The following BCR variants were observed in gnomAD, a reference collection of about 807,000 sequenced individuals.
The protein encoded by BCR is BCR activator of RhoGEF and GTPase.
Under a neutral mutation model 138.6 loss-of-function variants are expected in BCR, and 58 were observed. That is an observed-to-expected ratio of 0.42 (90% CI 0.34 to 0.52). The LOEUF (loss-of-function observed/expected upper bound fraction) is 0.52. Among genes scored for constraint, BCR ranks in the 20% least tolerant of loss-of-function variants. The pLI is 0.06. For missense variants in BCR, 1,599 were observed against 1,727.2 expected (o/e 0.93, Z 1.32); for synonymous variants, 786 against 730.1 (o/e 1.08, Z -1.23).
intron 1 of BCR, chr22:23,217,198 G>C: frequency 3.6e-6 from 1 of 276,110 alleles, no homozygotes; most frequent in Non-Finnish European, 7.5e-6. Flanking sequence ...GACTTTTTTA[G>C]ATTTTTGCTG....
chr22:23,205,585 G>A (rs1933810238), intron 1 of BCR, among the ~76,000 whole-genome samples: 1 of 151,942 alleles, frequency 6.6e-6, no homozygotes, highest in Admixed American at 6.6e-5. Flanking sequence ...TACTCAGACA[G>A]CCAAAGCCTA....
Position 23,273,128 on chromosome 22 carries a change from C to A in BCR, c.1969C>A (p.Leu657Ile). 1 of 1,613,436 alleles carries A rather than the reference C, an allele frequency of 6.2e-7. No homozygotes were observed. Among genetic ancestry groups the A allele is most frequent in the South Asian group, 1.1e-5 (1 of 91,068 alleles). The change falls in exon 7 of 23, where the codon CTC becomes ATC. Residue 657 changes from leucine (L) to isoleucine (I), a missense_variant. By Grantham distance (5) the Leu-to-Ile change is conservative. Transcript: ENST00000305877. ...CCGTGTGACGAGGAGCACGCTGGTCCTCCATGTAAGTCACAGCGCCCCTCT... is the reference window on the plus strand; with the variant it reads ...CCGTGTGACGAGGAGCACGCTGGTCATCCATGTAAGTCACAGCGCCCCTCT... ...VDRVTRSTLV[L>I]HDLLKHTPAS...
chr22:23,186,618 C>T (rs979439951), intron 1 of BCR, among the ~76,000 whole-genome samples: 2 of 152,190 alleles, frequency 1.3e-5, no homozygotes, highest in Non-Finnish European at 2.9e-5. Context: ...ATTATAGATA[C>T]CTCATGTAAG....
chr22:23,186,744 C>A (rs1293629750), intron 1 of BCR, among the ~76,000 whole-genome samples: 1 of 152,012 alleles, frequency 6.6e-6, no homozygotes, highest in Non-Finnish European at 1.5e-5. Flanking sequence ...AATGGAGTTT[C>A]ACTCTAGGCT....
intron 1 of BCR, among the ~76,000 whole-genome samples, chr22:23,209,098 G>A (rs890152421): frequency 6.6e-5 from 10 of 152,200 alleles, no homozygotes; most frequent in African/African-American, 2.2e-4. Flanking sequence ...GGTGGCTCAC[G>A]CCTGTAATCC....
At chr22:23,270,317 C>T (rs2073495238) in intron 5 of BCR, among the ~76,000 whole-genome samples, 1 of 152,120 alleles carries the variant, frequency 6.6e-6, no homozygotes. Flanking sequence ...ATAGGAATTA[C>T]ATGAAAAGGG....
rs367791049 is a variant in BCR at position 23,314,589 on chromosome 22, C to T, written c.3601C>T (p.His1201Tyr). 1.3e-4 allele frequency: 208 copies of T among 1,611,922 alleles called. No individual in the cohort carries two copies. Among genetic ancestry groups the T allele is most frequent in the Non-Finnish European group, 1.7e-4 (203 of 1,179,874 alleles). The change falls in exon 22 of 23, where the codon CAC becomes TAC. Residue 1201 changes from histidine to tyrosine, a missense_variant. His to Tyr is a moderately conservative substitution (Grantham distance 83, BLOSUM62 2). Coordinates refer to ENST00000305877, the MANE Select transcript of BCR (RefSeq NM_004327.4). ...EKEAVNKMSL[H>Y]NLATVFGPTL... is the part of the protein sequence containing the mutation. ...GGAGGCAGTCAATAAGATGTCCCTG[C>T]ACAACCTCGCCACGGTCTTTGGCCC...
chr22:23,226,305 T>TGA (rs67417858), intron 1 of BCR, among the ~76,000 whole-genome samples: 254 of 149,020 alleles, frequency 1.7e-3, no homozygotes, highest in East Asian at 4.0e-3. Context: ...ATTAAGTGTA[T>TGA]GAGAGAGAGA....
chr22:23,311,812 G>T lies in BCR; in HGVS notation c.3298G>T (p.Ala1100Ser). 2 of 1,611,780 alleles carry T rather than the reference G, an allele frequency of 1.2e-6. No homozygotes were observed. The highest frequency in any genetic ancestry group is 1.7e-6 in the Non-Finnish European group (2 of 1,179,858). The change falls in exon 19 of 23, where the codon GCA becomes TCA. Residue 1100 changes from alanine (A) to serine (S), a missense_variant. Ala to Ser is a moderately conservative substitution (Grantham distance 99). Coordinates refer to ENST00000305877, the MANE Select transcript of BCR (RefSeq NM_004327.4). Reference sequence around the variant, plus strand: ...GTCCGGTGTGGCCACGGACATCCAGGCACTGAAGGCAGCCTTCGACGTCAG... The same window carrying T: ...GTCCGGTGTGGCCACGGACATCCAGTCACTGAAGGCAGCCTTCGACGTCAG... ...RVSGVATDIQ[A>S]LKAAFDVNNK...
At chr22:23,313,942 A>G (rs1264073856) in intron 20 of BCR, 26 bp from the exon 21 acceptor site, 4 of 1,600,342 alleles carry the variant, frequency 2.5e-6, no homozygotes, top group Non-Finnish European at 3.4e-6. Context: ...TTGTGACCCC[A>G]AGGAGTAACC....
intron 1 of BCR, among the ~76,000 whole-genome samples, chr22:23,236,059 A>G (rs976602802): frequency 2.6e-5 from 4 of 152,152 alleles, no homozygotes; most frequent in African/African-American, 9.7e-5. Flanking sequence ...TGGACCTTGC[A>G]TATGGGAGCT....
At chr22:23,187,123 G>A (rs897276298) in intron 1 of BCR, among the ~76,000 whole-genome samples, 3 of 152,190 alleles carry the variant, frequency 2.0e-5, no homozygotes, top group Non-Finnish European at 4.4e-5. Flanking sequence ...AGCACATACT[G>A]GAAGAGCCCT....
At chr22:23,229,758 C>T (rs921047446) in intron 1 of BCR, among the ~76,000 whole-genome samples, 7 of 152,224 alleles carry the variant, frequency 4.6e-5, no homozygotes, top group African/African-American at 7.2e-5. Flanking sequence ...CTCTACTTCC[C>T]CATGTCCCCC....
chr22:23,246,887 G>A (rs1165389979), intron 1 of BCR, among the ~76,000 whole-genome samples: 1 of 151,868 alleles, frequency 6.6e-6, no homozygotes, highest in Non-Finnish European at 1.5e-5. Context: ...AGCCAGCTTC[G>A]GAGCCCCCAA....
chr22:23,284,015 G>A lies in BCR; in HGVS notation c.2154G>A (p.Leu718=), dbSNP rs149366459. ...QLLKDSFMVE[L]VEGARKLRHV... is the part of the protein sequence containing the mutation. ...TGAAGGACAGCTTCATGGTGGAGCTGGTGGAGGGGGCCCGCAAGCTGCGCC... is the reference window on the plus strand; with the variant it reads ...TGAAGGACAGCTTCATGGTGGAGCTAGTGGAGGGGGCCCGCAAGCTGCGCC... Residue 718 remains leucine, a synonymous_variant, in exon 9 of 23, where the codon CTG becomes CTA. Coordinates refer to ENST00000305877, the MANE Select transcript of BCR (RefSeq NM_004327.4). 8 of 1,603,326 alleles carry A rather than the reference G, an allele frequency of 5.0e-6. No homozygotes were observed. In the African/African-American group the frequency reaches 1.1e-4, roughly 21 times the overall value.
At position 23,315,786 on chromosome 22, in the gene BCR, A is replaced by G; in HGVS notation, c.*264A>G. On this transcript the variant is annotated 3_prime_UTR_variant, in exon 23 of 23. Coordinates refer to ENST00000305877, the MANE Select transcript of BCR (RefSeq NM_004327.4). ...CCCAAGCCAGTTCATCTCGGAGTCC[A>G]GGCCTGGCCCTGGGAGACAGGGTGA... 5.4e-6 allele frequency: 3 copies of G among 558,358 alleles called. No individual in the cohort carries two copies. Among genetic ancestry groups the G allele is most frequent in the South Asian group, 3.4e-5 (2 of 58,392 alleles). 34.6% of individuals were successfully genotyped at this position (558,358 alleles called of 1,614,324 possible). A position where few individuals can be genotyped will look rare whatever the true frequency, so the allele number is the denominator to read the frequency against.
chr22:23,180,546 G>C lies in BCR; in HGVS notation c.-415G>C, dbSNP rs2072223621. ...CCGGGCGGGAGTGCGGCGAGAGCCG[G>C]CTGGCTGAGCTTAGCGTCCGAGGAG... On this transcript the variant is annotated 5_prime_UTR_variant, in exon 1 of 23. Transcript: ENST00000305877. 5.4e-6 allele frequency: 1 copy of C among 186,278 alleles called. No individual in the cohort carries two copies. The highest frequency in any genetic ancestry group is 1.3e-4 in the East Asian group (1 of 7,544). The allele number at this position is 186,278 out of a possible 1,614,324, so 11.5% of individuals were successfully genotyped here.
chr22:23,224,481 A>G lies in BCR; in HGVS notation c.1280-29318A>G, dbSNP rs546011922. Among the ~76,000 whole-genome samples the G allele has an allele frequency of 2.0e-5, 3 of 152,328 alleles. No individual in the cohort carries two copies. The East Asian group carries it at 5.8e-4, about 29-fold the overall frequency. On this transcript the variant is annotated intron_variant, in intron 1 of 22. Transcript: ENST00000305877. Reference sequence around the variant, plus strand: ...TCTCTCAGCAGGGTGGTGGGTTGGCAGATGACTTGAAGGAAGAGCCCACTC... The same window carrying G: ...TCTCTCAGCAGGGTGGTGGGTTGGCGGATGACTTGAAGGAAGAGCCCACTC...
At chr22:23,253,673 A>T in intron 1 of BCR, 126 bp from the exon 2 acceptor site, 1 of 1,113,176 alleles carries the variant, frequency 9.0e-7, no homozygotes, top group Non-Finnish European at 1.3e-6. Context: ...ACGTCAGCAT[A>T]CCCGAGGTCG....
Sources: gnomAD v4.1 joint callset for allele counts (sites outside exome capture counted in the v4.1 genomes callset) on GRCh38, gnomAD v4.1.1 for gene constraint, MANE v1.5 for transcripts, NCBI Gene and HGNC (gene_info 2026-07-23, HGNC 2026-07-21) for gene names.